Variants in PREX2 observed in about 807,000 individuals in gnomAD.
The protein encoded by PREX2 is phosphatidylinositol 3,4,5-trisphosphate-dependent Rac exchanger 2 protein.
In PREX2, 107 loss-of-function variants were observed where a neutral mutation model predicts 203.2. The ratio of observed to expected loss-of-function variants is 0.53; its 90% confidence interval spans 0.45 to 0.62. The LOEUF is 0.62. Among genes scored for constraint, PREX2 ranks in the 20% least tolerant of loss-of-function variants. The pLI, the probability that PREX2 is intolerant of heterozygous loss-of-function variation, is 0.00. For missense variants in PREX2, 1,777 were observed against 1,955.9 expected (o/e 0.91, Z 1.72); for synonymous variants, 672 against 663.6 (o/e 1.01, Z -0.19).
intron 35 of PREX2, among the ~76,000 whole-genome samples, chr8:68,159,962 A>G (rs180824929): frequency 8.7e-5 from 13 of 149,848 alleles, no homozygotes; most frequent in Admixed American, 7.9e-4. Context: ...GCTCACAAAG[A>G]AAAAAAATAG....
At chr8:68,005,759 T>C (rs111910386) in intron 1 of PREX2, among the ~76,000 whole-genome samples, 48 of 152,362 alleles carry the variant, frequency 3.2e-4, no homozygotes, top group African/African-American at 1.1e-3. Context: ...TTGCTTTGTC[T>C]ATTTAGTGGT....
At chr8:67,996,035 T>C (rs1301991825) in intron 1 of PREX2, among the ~76,000 whole-genome samples, 1 of 152,180 alleles carries the variant, frequency 6.6e-6, no homozygotes, top group Non-Finnish European at 1.5e-5. Context: ...GTTCATGATA[T>C]TTAGTTAATA....
At chr8:68,040,770 C>T (rs1319681435) in intron 7 of PREX2, among the ~76,000 whole-genome samples, 1 of 152,140 alleles carries the variant, frequency 6.6e-6, no homozygotes, top group Non-Finnish European at 1.5e-5. Context: ...CTTACTGCTC[C>T]TTCAATGCAA....
At chr8:68,083,900 G>C (rs1449185792) in intron 18 of PREX2, among the ~76,000 whole-genome samples, 1 of 152,128 alleles carries the variant, frequency 6.6e-6, no homozygotes, top group African/African-American at 2.4e-5. Flanking sequence ...AAAAAGTTAT[G>C]TTTATTATAG....
chr8:68,169,663 A>G (rs1436792757), intron 35 of PREX2, among the ~76,000 whole-genome samples: 2 of 152,138 alleles, frequency 1.3e-5, no homozygotes, highest in African/African-American at 2.4e-5. Flanking sequence ...GGAAAATCAG[A>G]ATTTAAATCA....
At chr8:68,187,553 A>G (rs1271645970) in intron 35 of PREX2, among the ~76,000 whole-genome samples, 1 of 152,204 alleles carries the variant, frequency 6.6e-6, no homozygotes, top group East Asian at 1.9e-4. Context: ...ATGTCAGGCA[A>G]TTCTAATATC....
intron 1 of PREX2, among the ~76,000 whole-genome samples, chr8:67,992,588 T>C (rs1377672893): frequency 2.0e-5 from 3 of 152,226 alleles, no homozygotes; most frequent in African/African-American, 7.2e-5. Flanking sequence ...CACAGATTTC[T>C]CCTTTGATGT....
intron 38 of PREX2, chr8:68,223,364 T>C (rs1048237311): frequency 6.6e-6 from 1 of 152,138 alleles, no homozygotes; most frequent in Non-Finnish European, 1.5e-5. Flanking sequence ...AAGAGCAGAA[T>C]AATGAGTTCA....
At chr8:68,107,758 G>A (rs16934174) in intron 23 of PREX2, among the ~76,000 whole-genome samples, 2,057 of 152,280 alleles carry the variant, frequency 0.014, 29 homozygotes, top group African/African-American at 0.046. Context: ...CTCTCCTGGT[G>A]TCCTGGGATG....
chr8:68,132,391 A>G (rs1398465263), intron 31 of PREX2, among the ~76,000 whole-genome samples: 4 of 151,968 alleles, frequency 2.6e-5, no homozygotes, highest in Non-Finnish European at 5.9e-5. Flanking sequence ...AAATTGAGCC[A>G]TATGGAATGG....
intron 37 of PREX2, among the ~76,000 whole-genome samples, chr8:68,202,057 C>T (rs1812516174): frequency 6.6e-6 from 1 of 151,896 alleles, no homozygotes; most frequent in Non-Finnish European, 1.5e-5. Context: ...AGGCGCCCAC[C>T]ACCCTGCCTA....
intron 29 of PREX2, 78 bp from the exon 30 acceptor site, chr8:68,120,840 CAGA>C: frequency 8.3e-7 from 1 of 1,206,950 alleles, no homozygotes; most frequent in Non-Finnish European, 1.2e-6. Context: ...ACAACAGTGA[CAGA>C]AGAAGGTTTT....
chr8:67,976,883 A>G (rs1176025242), intron 1 of PREX2, among the ~76,000 whole-genome samples: 1 of 152,192 alleles, frequency 6.6e-6, no homozygotes, highest in Non-Finnish European at 1.5e-5. Context: ...TGATGGAGCC[A>G]TCTTAAAAAT....
At chr8:68,197,441 G>A (rs1386053618) in intron 37 of PREX2, among the ~76,000 whole-genome samples, 1 of 151,970 alleles carries the variant, frequency 6.6e-6, no homozygotes, top group East Asian at 1.9e-4. Flanking sequence ...TTTGCCTCCT[G>A]CCATGATTGT....
At chr8:67,963,393 G>A (rs571431985) in intron 1 of PREX2, among the ~76,000 whole-genome samples, 259 of 152,200 alleles carry the variant, frequency 1.7e-3, no homozygotes, top group African/African-American at 5.8e-3. Context: ...CCTATGTCCT[G>A]TCAAAAATGG....
At chr8:68,128,247 A>G (rs1434996663) in intron 31 of PREX2, among the ~76,000 whole-genome samples, 2 of 152,220 alleles carry the variant, frequency 1.3e-5, no homozygotes. Flanking sequence ...TCTATTTCCC[A>G]TAAAGTATGT....
At chr8:67,983,115 A>AT (rs1806318627) in intron 1 of PREX2, among the ~76,000 whole-genome samples, 1 of 152,128 alleles carries the variant, frequency 6.6e-6, no homozygotes, top group Admixed American at 6.5e-5. Context: ...TGGTGGTGGT[A>AT]TTTTTTTAAG....
rs1813272696 is a variant in PREX2, at chr8:68,236,802, A to G, written c.*5424A>G. On this transcript the variant is annotated 3_prime_UTR_variant, in exon 40 of 40. Coordinates refer to ENST00000288368, the MANE Select transcript of PREX2 (RefSeq NM_024870.4). ...CCATACTTAACATCATATGAAATCC[A>G]AAATTTAATGATAAATTTCATCTGG... The G allele has an allele frequency of 6.6e-6, 1 of 152,166 alleles. No homozygotes were observed. The highest frequency in any genetic ancestry group is 2.1e-4 in the South Asian group (1 of 4,834). The allele number at this position is 152,166 out of a possible 1,614,324, so 9.4% of individuals were successfully genotyped here. A position where few individuals can be genotyped will look rare whatever the true frequency, so the allele number is the denominator to read the frequency against.
intron 1 of PREX2, among the ~76,000 whole-genome samples, chr8:67,990,596 G>A (rs796889875): frequency 1.3e-5 from 2 of 150,398 alleles, no homozygotes; most frequent in Non-Finnish European, 3.0e-5. Context: ...TGCAACCTCC[G>A]CCTCCCGGGT....
Sources: gnomAD v4.1 joint callset for allele counts (sites outside exome capture counted in the v4.1 genomes callset) on GRCh38, gnomAD v4.1.1 for gene constraint, MANE v1.5 for transcripts, NCBI Gene and HGNC (gene_info 2026-07-23, HGNC 2026-07-21) for gene names.